Variants in CACNA1C observed in about 807,000 individuals in gnomAD.
CACNA1C encodes voltage-dependent L-type calcium channel subunit alpha-1C.
CACNA1C carries 30 observed loss-of-function variants against 229.0 expected under a neutral mutation model. That is an observed-to-expected ratio of 0.13 (90% CI 0.10 to 0.18). The LOEUF (loss-of-function observed/expected upper bound fraction) is 0.18, where lower values mean the gene tolerates loss of function less well. Among genes scored for constraint, CACNA1C ranks in the 10% least tolerant of loss-of-function variants. The probability of loss-of-function intolerance (pLI) is 1.00; values close to 1 mark genes in which losing one functional copy is unlikely to be tolerated. For missense variants in CACNA1C, 1,658 were observed against 2,845.0 expected (o/e 0.58, Z 9.49); for synonymous variants, 1,114 against 1,132.5 (o/e 0.98, Z 0.33).
At position 2,541,386 on chromosome 12, in the gene CACNA1C, C is replaced by T. The variant is rs147377211; in HGVS notation, c.1391-8557C>T. On this transcript the variant is annotated intron_variant, in intron 9 of 46. Coordinates refer to ENST00000399655, the MANE Select transcript of CACNA1C (RefSeq NM_000719.7). ...GAAAATAAATACAAATTATGCCGCT[C>T]ATATGCAAAAAATGTAATAAGATGG... Among the ~76,000 whole-genome samples, 706 of 152,316 alleles carry T rather than the reference C, an allele frequency of 4.6e-3. 1 individual carries two copies. Among genetic ancestry groups the T allele is most frequent in the Non-Finnish European group, 8.3e-3 (568 of 68,034 alleles).
chr12:2,518,583 G>A (rs1351667557), intron 9 of CACNA1C, among the ~76,000 whole-genome samples: 1 of 151,502 alleles, frequency 6.6e-6, no homozygotes, highest in Admixed American at 6.6e-5. Flanking sequence ...ACTCCAGCCT[G>A]GGCGACAGAG....
At chr12:2,391,027 A>G (rs184732026) in intron 3 of CACNA1C, among the ~76,000 whole-genome samples, 17 of 152,176 alleles carry the variant, frequency 1.1e-4, no homozygotes, top group Non-Finnish European at 2.2e-4. Flanking sequence ...AGGACAGAGG[A>G]AGAGGCAACC....
chr12:2,016,262 C>T (rs1052339949), intron 1 of CACNA1C, among the ~76,000 whole-genome samples: 1 of 151,602 alleles, frequency 6.6e-6, no homozygotes, highest in Admixed American at 6.6e-5. Context: ...GTCCCGAGTA[C>T]TGTCAAACAA....
intron 3 of CACNA1C, among the ~76,000 whole-genome samples, chr12:2,328,551 A>G (rs2239048): frequency 0.089 from 13,615 of 152,128 alleles, 655 homozygotes; most frequent in South Asian, 0.14. Context: ...GGCATTAAGA[A>G]CCCCAAAAGT....
At chr12:2,663,643 G>A (rs2095878671) in intron 34 of CACNA1C, among the ~76,000 whole-genome samples, 1 of 151,734 alleles carries the variant, frequency 6.6e-6, no homozygotes, top group Non-Finnish European at 1.5e-5. Context: ...AAATGTCAGA[G>A]ATCACCACTG....
intron 3 of CACNA1C, among the ~76,000 whole-genome samples, chr12:2,135,626 A>C (rs1225884811): frequency 7.1e-6 from 1 of 140,588 alleles, no homozygotes; most frequent in Non-Finnish European, 1.5e-5. Context: ...CTCAGGGGTC[A>C]GGGGTCAGGG....
intron 3 of CACNA1C, among the ~76,000 whole-genome samples, chr12:2,332,978 C>G (rs1293623004): frequency 1.3e-5 from 2 of 152,154 alleles, no homozygotes; most frequent in African/African-American, 4.8e-5. Context: ...AGTTCTGAGT[C>G]TTTCTGTGAC....
At chr12:2,028,572 G>A (rs758016891) in intron 1 of CACNA1C, among the ~76,000 whole-genome samples, 24 of 152,042 alleles carry the variant, frequency 1.6e-4, no homozygotes, top group Admixed American at 5.9e-4. Flanking sequence ...CAGCACCAAC[G>A]TTAGAACTAA....
At chr12:2,311,568 C>T (rs1322766681) in intron 3 of CACNA1C, among the ~76,000 whole-genome samples, 2 of 152,188 alleles carry the variant, frequency 1.3e-5, no homozygotes, top group African/African-American at 4.8e-5. Flanking sequence ...GCACAGCAAA[C>T]AGGCGACAGC....
intron 3 of CACNA1C, among the ~76,000 whole-genome samples, chr12:2,350,563 G>A (rs181134338): frequency 6.6e-6 from 1 of 152,192 alleles, no homozygotes; most frequent in African/African-American, 2.4e-5. Flanking sequence ...CACAATGATG[G>A]CAAACAGAAG....
chr12:2,608,359 T>C lies in CACNA1C; in HGVS notation c.3357-152T>C, dbSNP rs1302203083. ...GAGAGGTTAAACGCTTTGCCCAAGG[T>C]CACACAGCCAGTAAGAGGCCGAGCT... On this transcript the variant is annotated intron_variant, in intron 26 of 46. Transcript: ENST00000399655. The surrounding 1 kb of genome is among the most constrained non-coding windows in gnomAD (Gnocchi z 4.2). Among the ~76,000 whole-genome samples the C allele has an allele frequency of 6.6e-6, 1 of 152,132 alleles. No individual in the cohort carries two copies. The highest frequency in any genetic ancestry group is 6.5e-5 in the Admixed American group (1 of 15,276).
chr12:2,551,903 G>T (rs1456352513), intron 10 of CACNA1C, among the ~76,000 whole-genome samples: 1 of 152,146 alleles, frequency 6.6e-6, no homozygotes, highest in African/African-American at 2.4e-5. Context: ...TGACCTGCGG[G>T]TGTCATGGAG....
rs10848630 is a variant in CACNA1C at position 2,204,709 on chromosome 12, T to C, written c.477+84279T>C. ...ATCACAAGAACAAAAAACTAAACAC[T>C]GCATATTCTCACTCATAGGTGGGAA... On this transcript the variant is annotated intron_variant, in intron 3 of 46. Coordinates refer to ENST00000399655, the MANE Select transcript of CACNA1C (RefSeq NM_000719.7). Among the ~76,000 whole-genome samples, 331 of 141,190 alleles carry C rather than the reference T, an allele frequency of 2.3e-3. 2 individuals are homozygous for C. Among genetic ancestry groups the C allele is most frequent in the Non-Finnish European group, 3.7e-3 (239 of 64,606 alleles). 92.6% of individuals were successfully genotyped at this position (141,190 alleles called of 152,430 possible).
chr12:2,638,988 C>T (rs1473713892), intron 30 of CACNA1C, among the ~76,000 whole-genome samples: 1 of 152,226 alleles, frequency 6.6e-6, no homozygotes. Flanking sequence ...GGCAGAGGAG[C>T]GGAGAGGCCT....
intron 38 of CACNA1C, among the ~76,000 whole-genome samples, chr12:2,674,109 G>T (rs919724295): frequency 6.6e-6 from 1 of 152,248 alleles, no homozygotes; most frequent in Non-Finnish European, 1.5e-5. Flanking sequence ...GCCGAAGGAG[G>T]TCCATGAGAA....
At chr12:2,675,187 C>T (rs2096742133) in intron 39 of CACNA1C, among the ~76,000 whole-genome samples, 1 of 152,096 alleles carries the variant, frequency 6.6e-6, no homozygotes. Context: ...GGTAATATAA[C>T]TTTCCTATAC....
chr12:2,128,239 C>T (rs1031828880), intron 3 of CACNA1C, among the ~76,000 whole-genome samples: 4 of 152,072 alleles, frequency 2.6e-5, no homozygotes, highest in Admixed American at 6.5e-5. Context: ...TTGCTCTGTT[C>T]CCTGGGATGT....
At chr12:2,626,112 C>G (rs887431794) in intron 29 of CACNA1C, among the ~76,000 whole-genome samples, 18 of 152,362 alleles carry the variant, frequency 1.2e-4, no homozygotes, top group South Asian at 4.1e-4. Context: ...ATTTTATTCA[C>G]ATCTTGTTCA....
chr12:2,352,187 C>G (rs2097220324), intron 3 of CACNA1C, among the ~76,000 whole-genome samples: 1 of 152,168 alleles, frequency 6.6e-6, no homozygotes, highest in African/African-American at 2.4e-5. Flanking sequence ...TGTCCCAGAC[C>G]TGCACTGTGG....
Sources: allele counts gnomAD v4.1 joint callset (sites outside exome capture counted in the v4.1 genomes callset), GRCh38; gene constraint gnomAD v4.1.1; non-coding constraint Gnocchi (gnomAD v3.1); transcripts MANE v1.5; gene names NCBI Gene and HGNC (gene_info 2026-07-23, HGNC 2026-07-21).